The following PRKG1 variants were observed in gnomAD, a reference collection of about 807,000 sequenced individuals.
PRKG1 encodes the protein cGMP-dependent protein kinase 1.
PRKG1 carries 35 observed loss-of-function variants against 88.1 expected under a neutral mutation model. The observed-to-expected ratio is 0.40, with a 90% confidence interval of 0.30 to 0.53. The LOEUF (loss-of-function observed/expected upper bound fraction) is 0.53, where lower values mean the gene tolerates loss of function less well. Among genes scored for constraint, PRKG1 ranks in the 20% least tolerant of loss-of-function variants. PRKG1 has a pLI of 0.59. For synonymous variants in PRKG1, 303 were observed against 292.5 expected (o/e 1.04, Z -0.37); for missense variants, 540 against 839.8 (o/e 0.64, Z 4.41).
intron 2 of PRKG1, among the ~76,000 whole-genome samples, chr10:51,389,642 T>G (rs1837347494): frequency 6.6e-6 from 1 of 152,178 alleles, no homozygotes; most frequent in Admixed American, 6.5e-5. Flanking sequence ...CTCAGTAACT[T>G]CTTTTTAAAA....
At chr10:52,077,935 C>T (rs1416149729) in intron 7 of PRKG1, among the ~76,000 whole-genome samples, 1 of 152,128 alleles carries the variant, frequency 6.6e-6, no homozygotes, top group Non-Finnish European at 1.5e-5. Context: ...GCAAAAGGGT[C>T]TTGTCTTTGA....
At chr10:52,114,121 G>A (rs1252823515) in intron 7 of PRKG1, among the ~76,000 whole-genome samples, 1 of 152,046 alleles carries the variant, frequency 6.6e-6, no homozygotes, top group African/African-American at 2.4e-5. Flanking sequence ...TTATGTCTAT[G>A]TTATTGCTCA....
At chr10:52,142,469 G>T (rs1225449131) in intron 8 of PRKG1, among the ~76,000 whole-genome samples, 1 of 152,066 alleles carries the variant, frequency 6.6e-6, no homozygotes, top group East Asian at 1.9e-4. Flanking sequence ...GATGGCTTAT[G>T]AATTGAACTA....
intron 3 of PRKG1, among the ~76,000 whole-genome samples, chr10:51,474,084 G>T (rs1317111789): frequency 6.6e-6 from 1 of 151,944 alleles, no homozygotes; most frequent in South Asian, 2.1e-4. Flanking sequence ...AATAAAAGCA[G>T]ATAACATTTG....
intron 5 of PRKG1, among the ~76,000 whole-genome samples, chr10:51,921,187 T>C (rs1842455720): frequency 6.6e-6 from 1 of 152,096 alleles, no homozygotes; most frequent in Non-Finnish European, 1.5e-5. Context: ...ATACATGATA[T>C]TGTGTTTTTA....
chr10:51,478,567 G>A (rs1840266945), intron 3 of PRKG1, among the ~76,000 whole-genome samples: 1 of 151,946 alleles, frequency 6.6e-6, no homozygotes, highest in South Asian at 2.1e-4. Flanking sequence ...CCAATTCCCA[G>A]TTTCCCTAAA....
chr10:51,015,124 C>T (rs773621109), intron 1 of PRKG1, among the ~76,000 whole-genome samples: 1 of 152,164 alleles, frequency 6.6e-6, no homozygotes, highest in Non-Finnish European at 1.5e-5. Flanking sequence ...AATAAAATCT[C>T]TTTTTAAATG....
Position 51,287,892 on chromosome 10 carries a change from C to T in PRKG1, c.478+134562C>T, listed in dbSNP as rs902228252. Reference sequence around the variant, plus strand: ...GTCACTTTTTAAGATTTGTTCTTTACTCCTACAGCATAAGATAATTGGGCC... The same window carrying T: ...GTCACTTTTTAAGATTTGTTCTTTATTCCTACAGCATAAGATAATTGGGCC... On this transcript the variant is annotated intron_variant, in intron 2 of 17. Transcript: ENST00000373980. 1.2e-4 allele frequency among the ~76,000 whole-genome samples: 18 copies of T among 152,172 alleles called. No homozygotes were observed. The South Asian group carries it at 2.9e-3, about 25-fold the overall frequency.
chr10:51,406,882 G>A (rs1339895809), intron 2 of PRKG1, among the ~76,000 whole-genome samples: 1 of 152,160 alleles, frequency 6.6e-6, no homozygotes, highest in Non-Finnish European at 1.5e-5. Context: ...CACACGATCA[G>A]AAGGTCCCAC....
intron 2 of PRKG1, among the ~76,000 whole-genome samples, chr10:51,249,572 C>T (rs1589278447): frequency 6.6e-6 from 1 of 151,688 alleles, no homozygotes; most frequent in African/African-American, 2.4e-5. Context: ...TAGTGTTAGA[C>T]TCAGGTTTTG....
chr10:51,083,476 G>A (rs751398332), intron 1 of PRKG1, among the ~76,000 whole-genome samples: 3 of 150,752 alleles, frequency 2.0e-5, no homozygotes, highest in East Asian at 1.9e-4. Flanking sequence ...GGCTTGTAGC[G>A]TCTCTCTTGG....
chr10:51,332,595 G>C (rs1012636708), intron 2 of PRKG1, among the ~76,000 whole-genome samples: 14 of 152,220 alleles, frequency 9.2e-5, no homozygotes, highest in African/African-American at 3.1e-4. Flanking sequence ...AGGTTAGGTA[G>C]TATTAAAGAA....
intron 7 of PRKG1, among the ~76,000 whole-genome samples, chr10:52,109,770 A>AG (rs1847512831): frequency 2.0e-5 from 3 of 151,932 alleles, no homozygotes; most frequent in African/African-American, 4.9e-5. Context: ...CTCAAAAAAA[A>AG]ATCTTATCTC....
intron 2 of PRKG1, among the ~76,000 whole-genome samples, chr10:51,201,771 A>G (rs1023159502): frequency 9.2e-5 from 14 of 152,290 alleles, no homozygotes; most frequent in Middle Eastern, 3.4e-3. Context: ...GCAACCTGCA[A>G]GAGTCCTCAC....
chr10:51,121,077 G>A (rs1250016829), intron 1 of PRKG1, among the ~76,000 whole-genome samples: 1 of 152,078 alleles, frequency 6.6e-6, no homozygotes. Context: ...GCAAGTCTAG[G>A]TCCAGTCTTT....
intron 2 of PRKG1, among the ~76,000 whole-genome samples, chr10:51,223,663 C>A (rs1355615237): frequency 1.3e-5 from 2 of 152,066 alleles, no homozygotes; most frequent in Non-Finnish European, 2.9e-5. Flanking sequence ...CTAATTTCTT[C>A]TTTTTATTCT....
chr10:51,738,109 C>T (rs1380248080), intron 3 of PRKG1, among the ~76,000 whole-genome samples: 1 of 152,056 alleles, frequency 6.6e-6, no homozygotes, highest in Non-Finnish European at 1.5e-5. Context: ...TATTCTGATA[C>T]ACAGCAAATT....
rs192650140 is a variant in PRKG1 at position 51,526,212 on chromosome 10, C to A, written c.592+58376C>A. The stretch of plus-strand genomic sequence containing the variant: ...CAAATCCAATTTTGAAGATTCAGTA[C>A]CAAGAAAAGAATATAAAGGATCTCA... On this transcript the variant is annotated intron_variant, in intron 3 of 17. Coordinates refer to ENST00000373980, the MANE Select transcript of PRKG1 (RefSeq NM_006258.4). 3.8e-3 allele frequency among the ~76,000 whole-genome samples: 574 copies of A among 151,898 alleles called. 5 individuals are homozygous for A. Among genetic ancestry groups the A allele is most frequent in the African/African-American group, 0.013 (522 of 41,412 alleles).
chr10:52,082,630 G>T (rs1189283762), intron 7 of PRKG1, among the ~76,000 whole-genome samples: 3 of 152,086 alleles, frequency 2.0e-5, no homozygotes, highest in Non-Finnish European at 4.4e-5. Context: ...TCTCTCTGCT[G>T]TAGCTCTTAT....
Sources: gnomAD v4.1 joint callset for allele counts (sites outside exome capture counted in the v4.1 genomes callset) on GRCh38, gnomAD v4.1.1 for gene constraint, MANE v1.5 for transcripts, NCBI Gene and HGNC (gene_info 2026-07-23, HGNC 2026-07-21) for gene names.